Variants in NCAM1 observed in about 807,000 individuals in gnomAD.
NCAM1 encodes antigen recognized by monoclonal antibody 5.1H11.
NCAM1 carries 14 observed loss-of-function variants against 109.8 expected under a neutral mutation model. That is an observed-to-expected ratio of 0.13 (90% CI 0.08 to 0.20). The LOEUF is 0.20. NCAM1 is among the 10% of genes least tolerant of loss of function. The probability of loss-of-function intolerance (pLI) is 1.00; values close to 1 mark genes in which losing one functional copy is unlikely to be tolerated. For synonymous variants in NCAM1, 418 were observed against 442.9 expected (o/e 0.94, Z 0.70); for missense variants, 774 against 1,109.9 (o/e 0.70, Z 4.30).
chr11:113,082,577 G>A (rs1938877907), intron 1 of NCAM1, among the ~76,000 whole-genome samples: 1 of 152,182 alleles, frequency 6.6e-6, no homozygotes, highest in Non-Finnish European at 1.5e-5. Flanking sequence ...AGGCAAGCCA[G>A]GGAAATCTTT....
chr11:112,972,181 A>G (rs1555066904), intron 1 of NCAM1, among the ~76,000 whole-genome samples: 1 of 152,162 alleles, frequency 6.6e-6, no homozygotes, highest in African/African-American at 2.4e-5. Context: ...CTCCGCTGAG[A>G]GGAAGGGTTG....
At chr11:113,211,188 C>A (rs1033900170) in intron 7 of NCAM1, among the ~76,000 whole-genome samples, 1 of 152,176 alleles carries the variant, frequency 6.6e-6, no homozygotes, top group Non-Finnish European at 1.5e-5. Flanking sequence ...TATTTCCTTT[C>A]CAGCCCCTTC....
intron 1 of NCAM1, among the ~76,000 whole-genome samples, chr11:112,970,950 C>T (rs576880529): frequency 2.6e-5 from 4 of 152,036 alleles, no homozygotes; most frequent in Admixed American, 2.0e-4. Context: ...GTTACAAACT[C>T]GAGGAAATTA....
At chr11:113,054,762 T>A (rs1282441543) in intron 1 of NCAM1, among the ~76,000 whole-genome samples, 3 of 152,120 alleles carry the variant, frequency 2.0e-5, no homozygotes, top group Non-Finnish European at 4.4e-5. Flanking sequence ...TTTTCCCTTA[T>A]CTACAATGTT....
intron 1 of NCAM1, among the ~76,000 whole-genome samples, chr11:113,124,485 C>T (rs782416794): frequency 6.6e-6 from 1 of 152,226 alleles, no homozygotes; most frequent in Non-Finnish European, 1.5e-5. Context: ...CAGGGGCTGA[C>T]AGCGCCATAG....
intron 1 of NCAM1, among the ~76,000 whole-genome samples, chr11:113,094,713 A>G (rs547823991): frequency 6.6e-6 from 1 of 152,260 alleles, no homozygotes; most frequent in Admixed American, 6.5e-5. Context: ...CTACCAGTCC[A>G]TGCTAATGAG....
At chr11:113,209,582 A>G (rs1943619) in intron 7 of NCAM1, among the ~76,000 whole-genome samples, 54,249 of 152,066 alleles carry the variant, frequency 0.36, 10,259 homozygotes, top group African/African-American at 0.47. Context: ...TGAATAGGAT[A>G]TGATCCCTTG....
At chr11:113,025,627 C>G (rs1218971156) in intron 1 of NCAM1, among the ~76,000 whole-genome samples, 3 of 151,774 alleles carry the variant, frequency 2.0e-5, no homozygotes. Flanking sequence ...AAAGAAAGTG[C>G]CCTCTGATTC....
At chr11:113,235,736 C>T (rs1202569936) in intron 14 of NCAM1, among the ~76,000 whole-genome samples, 1 of 152,200 alleles carries the variant, frequency 6.6e-6, no homozygotes, top group Non-Finnish European at 1.5e-5. Flanking sequence ...CAAGAGCATT[C>T]CTCACGGCCT....
chr11:113,056,824 T>A (rs1953729794), intron 1 of NCAM1, among the ~76,000 whole-genome samples: 1 of 152,006 alleles, frequency 6.6e-6, no homozygotes, highest in Non-Finnish European at 1.5e-5. Flanking sequence ...TATAATACAT[T>A]TGTTTTGTTT....
chr11:112,994,024 C>T (rs1322871143), intron 1 of NCAM1, among the ~76,000 whole-genome samples: 6 of 152,214 alleles, frequency 3.9e-5, no homozygotes, highest in Non-Finnish European at 7.3e-5. Flanking sequence ...CCTGGGATGA[C>T]CTTTCATTGA....
At chr11:113,187,659 C>T (rs1048295485) in intron 1 of NCAM1, among the ~76,000 whole-genome samples, 13 of 151,926 alleles carry the variant, frequency 8.6e-5, no homozygotes, top group South Asian at 2.1e-4. Flanking sequence ...CAGTGAGGAA[C>T]GCTCCATGAA....
At chr11:113,112,167 C>T (rs1325407860) in intron 1 of NCAM1, among the ~76,000 whole-genome samples, 1 of 152,166 alleles carries the variant, frequency 6.6e-6, no homozygotes, top group Non-Finnish European at 1.5e-5. Context: ...TAAGGCAGGA[C>T]CAACCTGTGT....
In NCAM1 at chr11:113,277,632, T is replaced by C; in HGVS notation, c.*2245T>C. On this transcript the variant is annotated 3_prime_UTR_variant, in exon 20 of 20. Coordinates refer to ENST00000316851, the MANE Select transcript of NCAM1 (RefSeq NM_181351.5). ...CACCAGGCCAAGCCCATGCCATACC[T>C]TGTCAAGACTGTCAAAGTGGTTGTG... 2 of 391,098 alleles carry C rather than the reference T, an allele frequency of 5.1e-6. No individual in the cohort carries two copies. Among genetic ancestry groups the C allele is most frequent in the Non-Finnish European group, 9.0e-6 (2 of 221,940 alleles). The allele number at this position is 391,098 out of a possible 1,614,324, so 24.2% of individuals were successfully genotyped here.
intron 1 of NCAM1, among the ~76,000 whole-genome samples, chr11:113,145,067 T>C (rs561478983): frequency 5.9e-5 from 9 of 152,220 alleles, no homozygotes; most frequent in African/African-American, 2.2e-4. Context: ...TAGCTTAATA[T>C]GGAAAATAAG....
At chr11:113,163,649 G>A (rs1387849064) in intron 1 of NCAM1, among the ~76,000 whole-genome samples, 1 of 152,196 alleles carries the variant, frequency 6.6e-6, no homozygotes, top group Non-Finnish European at 1.5e-5. Flanking sequence ...TGTCTGCCAA[G>A]AGGGAAAACC....
rs1209706180 is a variant in NCAM1 at position 113,128,300 on chromosome 11, G to T, written c.53-74079G>T. On this transcript the variant is annotated intron_variant, in intron 1 of 19. Transcript: ENST00000316851. ...TCACTTATTAGCTCCATGAGCTTGG[G>T]TATGCAACCTCACATCTCCAGGCCT... Among the ~76,000 whole-genome samples the T allele has an allele frequency of 2.6e-5, 4 of 152,272 alleles. No homozygotes were observed. In the South Asian group the frequency reaches 8.3e-4, roughly 32 times the overall value.
At chr11:113,216,250 C>T (rs1001779921) in intron 8 of NCAM1, among the ~76,000 whole-genome samples, 4 of 151,312 alleles carry the variant, frequency 2.6e-5, no homozygotes, top group African/African-American at 4.9e-5. Flanking sequence ...CTGGGGTTCC[C>T]GCCATTCTCC....
At chr11:113,019,081 C>G (rs991757008) in intron 1 of NCAM1, among the ~76,000 whole-genome samples, 4 of 152,054 alleles carry the variant, frequency 2.6e-5, no homozygotes, top group African/African-American at 9.7e-5. Context: ...GATAGTGATA[C>G]TCGGTCATGG....
Sources: allele counts gnomAD v4.1 joint callset (sites outside exome capture counted in the v4.1 genomes callset), GRCh38; gene constraint gnomAD v4.1.1; transcripts MANE v1.5; gene names NCBI Gene and HGNC (gene_info 2026-07-23, HGNC 2026-07-21).